The following ROS1 variants were observed in gnomAD, a reference collection of about 807,000 sequenced individuals.
The protein encoded by ROS1 is ROS proto-oncogene 1, receptor tyrosine kinase, also known as proto-oncogene tyrosine-protein kinase ROS.
ROS1 carries 263 observed loss-of-function variants against 273.5 expected under a neutral mutation model. The ratio of observed to expected loss-of-function variants is 0.96; its 90% CI spans 0.87 to 1.06. ROS1 has a LOEUF of 1.06. ROS1 is among the 50% of genes least tolerant of loss of function. The probability of loss-of-function intolerance (pLI) is 0.00; values close to 1 mark genes in which losing one functional copy is unlikely to be tolerated. For missense variants in ROS1, 2,833 were observed against 2,751.1 expected, an observed-to-expected ratio of 1.03 and a Z score of -0.67; for synonymous variants, 1,008 against 954.1, an observed-to-expected ratio of 1.06 and a Z score of -1.04.
At chr6:117,381,277 G>A (rs1772121144) in intron 17 of ROS1, among the ~76,000 whole-genome samples, 1 of 150,904 alleles carries the variant, frequency 6.6e-6, no homozygotes, top group Non-Finnish European at 1.5e-5. Flanking sequence ...GTAGTTTTTG[G>A]TCACATGGAT....
In ROS1 at chr6:117,301,181, A is replaced by C. The variant is rs373697530; in HGVS notation, c.6552-44T>G. 1.4e-5 allele frequency: 20 copies of C among 1,470,014 alleles called. No homozygotes were observed. In the African/African-American group the frequency reaches 2.4e-4, roughly 18 times the overall value. The allele number at this position is 1,470,014 out of a possible 1,614,324, so 91.1% of individuals were successfully genotyped here. ...ATGGGAAAGTAAATAGCAATTGGAT[A>C]TAATTACTGATAACCCAGGTAGGGT... On this transcript the variant is annotated intron_variant, in intron 42 of 43. Coordinates refer to ENST00000368507, the MANE Select transcript of ROS1 (RefSeq NM_001378902.1).
intron 33 of ROS1, 151 bp from the exon 34 acceptor site, chr6:117,326,565 A>C: frequency 1.9e-6 from 1 of 540,062 alleles, no homozygotes; most frequent in Non-Finnish European, 3.2e-6. Context: ...CTGGCAACAC[A>C]GATGCTAACA....
intron 7 of ROS1, 77 bp from the exon 8 acceptor site, chr6:117,397,193 CTTG>C (rs932391000): frequency 1.0e-6 from 1 of 960,508 alleles, no homozygotes; most frequent in Non-Finnish European, 1.6e-6. Flanking sequence ...GGAAAAAAGT[CTTG>C]TTTTTTTTTT....
At chr6:117,313,474 G>A (rs1000070138) in intron 39 of ROS1, among the ~76,000 whole-genome samples, 1 of 151,818 alleles carries the variant, frequency 6.6e-6, no homozygotes, top group Non-Finnish European at 1.5e-5. Flanking sequence ...TCAGGAGGCT[G>A]AGGCAAGAGA....
At chr6:117,389,894 A>G in intron 12 of ROS1, 48 bp from the exon 13 acceptor site, 2 of 1,522,634 alleles carry the variant, frequency 1.3e-6, no homozygotes, top group Non-Finnish European at 1.8e-6. Context: ...CCAAAGGTTG[A>G]TGAGTAACCT....
At chr6:117,341,817 T>C (rs909738180) in intron 29 of ROS1, among the ~76,000 whole-genome samples, 185 bp from the exon 30 acceptor site, 2 of 152,146 alleles carry the variant, frequency 1.3e-5, no homozygotes, top group African/African-American at 4.8e-5. Flanking sequence ...CTCCCACTTA[T>C]TTTTGCCCAG....
chr6:117,321,999 A>G (rs905277309), intron 35 of ROS1, among the ~76,000 whole-genome samples: 3 of 151,894 alleles, frequency 2.0e-5, no homozygotes, highest in Non-Finnish European at 4.4e-5. Context: ...TTATATAATA[A>G]GCAGTATTAG....
intron 43 of ROS1, among the ~76,000 whole-genome samples, chr6:117,289,826 T>C (rs1421406997): frequency 1.3e-5 from 2 of 152,296 alleles, no homozygotes; most frequent in South Asian, 4.1e-4. Context: ...CTGTGGAAGG[T>C]ATTCAACACC....
chr6:117,387,071 T>C lies in ROS1; in HGVS notation c.2000-72A>G, dbSNP rs1772643272. ...TCTTTAAAGGTATCTTATATACTTA[T>C]ATCTATGCCTTATATCTTATGATTT... is the stretch of plus-strand genomic sequence containing the variant. On this transcript the variant is annotated intron_variant, in intron 14 of 43. Coordinates refer to ENST00000368507, the MANE Select transcript of ROS1 (RefSeq NM_001378902.1). The C allele has an allele frequency of 1.5e-5, 11 of 719,304 alleles. No individual in the cohort carries two copies. In the South Asian group the frequency reaches 1.8e-4, roughly 12 times the overall value. The allele number at this position is 719,304 out of a possible 1,614,324, so 44.6% of individuals were successfully genotyped here. A position where few individuals can be genotyped will look rare whatever the true frequency, so the allele number is the denominator to read the frequency against.
chr6:117,359,799 A>G lies in ROS1; in HGVS notation c.3633+10T>C. ...TTCCTTTATTTCGGAAGAATTACAT[A>G]GTGAAATACCTCAGAGCTAGAGCGA... is the stretch of plus-strand genomic sequence containing the variant. On this transcript the variant is annotated intron_variant, in intron 24 of 43. Coordinates refer to ENST00000368507, the MANE Select transcript of ROS1 (RefSeq NM_001378902.1). 6.2e-7 allele frequency: 1 copy of G among 1,607,716 alleles called. No individual in the cohort carries two copies. The highest frequency in any genetic ancestry group is 8.5e-7 in the Non-Finnish European group (1 of 1,174,676).
At chr6:117,373,835 C>T (rs1395516935) in intron 18 of ROS1, among the ~76,000 whole-genome samples, 2 of 152,232 alleles carry the variant, frequency 1.3e-5, no homozygotes, top group Non-Finnish European at 2.9e-5. Context: ...ACGTTGTCAC[C>T]TCTCAGCACT....
intron 5 of ROS1, among the ~76,000 whole-genome samples, chr6:117,407,473 C>T (rs1410395517): frequency 6.6e-6 from 1 of 152,156 alleles, no homozygotes; most frequent in African/African-American, 2.4e-5. Flanking sequence ...CCTACTTGCT[C>T]AAAATCTAAC....
chr6:117,360,604 A>C (rs1779720004), intron 22 of ROS1, among the ~76,000 whole-genome samples, 199 bp from the exon 23 acceptor site: 1 of 152,194 alleles, frequency 6.6e-6, no homozygotes, highest in South Asian at 2.1e-4. Context: ...ATGTTGACAG[A>C]TTTTTTAATC....
rs766992675 is a variant in ROS1 at position 117,366,146 on chromosome 6, A to G, written c.2727T>C (p.Ser909=). The G allele has an allele frequency of 1.2e-6, 2 of 1,614,154 alleles. No individual in the cohort carries two copies. Among genetic ancestry groups the G allele is most frequent in the South Asian group, 2.2e-5 (2 of 91,084 alleles). The part of the protein sequence containing the change: ...ITTQEIGQKT[S]VSVLEPARFN... ...ATCTGGCTGGTTCCAAAACAGAGAC[A>G]CTGGTTTTCTGACCTATTTCTTGAG... The change falls in exon 19 of 44, where the codon AGT becomes AGC. Residue 909 remains serine, a synonymous_variant. Transcript: ENST00000368507.
At chr6:117,363,730 A>G (rs1223235151) in intron 21 of ROS1, among the ~76,000 whole-genome samples, 1 of 152,182 alleles carries the variant, frequency 6.6e-6, no homozygotes, top group Non-Finnish European at 1.5e-5. Flanking sequence ...AGGCAGCTTG[A>G]TATAGGTGAA....
intron 2 of ROS1, among the ~76,000 whole-genome samples, chr6:117,418,145 T>C (rs1284232957): frequency 6.6e-6 from 1 of 152,218 alleles, no homozygotes; most frequent in African/African-American, 2.4e-5. Flanking sequence ...AAAATGTCAT[T>C]GTTAGAAGAA....
At position 117,287,863 on chromosome 6, in the gene ROS1, T is replaced by A. The variant is rs2128519915; in HGVS notation, c.*629A>T. On this transcript the variant is annotated 3_prime_UTR_variant, in exon 44 of 44. Coordinates refer to ENST00000368507, the MANE Select transcript of ROS1 (RefSeq NM_001378902.1). ...TGAACCCAGGAGGTGGAGTTTGCAG[T>A]GCCGAGATCGTGCCATTGAACTCCA... 6.8e-6 allele frequency among the ~76,000 whole-genome samples: 1 copy of A among 148,084 alleles called. No individual in the cohort carries two copies. Among genetic ancestry groups the A allele is most frequent in the South Asian group, 2.1e-4 (1 of 4,678 alleles).
At chr6:117,321,829 A>T (rs1232538084) in intron 35 of ROS1, among the ~76,000 whole-genome samples, 7 of 123,026 alleles carry the variant, frequency 5.7e-5, no homozygotes, top group South Asian at 2.6e-4. Context: ...TATAATGGCA[A>T]TTTTTTTTTT....
At chr6:117,332,035 A>G (rs963093519) in intron 32 of ROS1, among the ~76,000 whole-genome samples, 2 of 152,200 alleles carry the variant, frequency 1.3e-5, no homozygotes, top group Non-Finnish European at 2.9e-5. Context: ...ATTAAAAGAT[A>G]CAGACTGGCA....
Sources: allele counts gnomAD v4.1 joint callset (sites outside exome capture counted in the v4.1 genomes callset), GRCh38; gene constraint gnomAD v4.1.1; transcripts MANE v1.5; gene names NCBI Gene and HGNC (gene_info 2026-07-23, HGNC 2026-07-21).